Variants in SIDT1 observed in about 807,000 individuals in gnomAD.
SIDT1 encodes the protein SID1 transmembrane family member 1.
Under a neutral mutation model 107.5 loss-of-function variants are expected in SIDT1, and 101 were observed. The observed-to-expected ratio is 0.94, with a 90% CI of 0.80 to 1.11. SIDT1 has a LOEUF of 1.11. SIDT1 is among the 50% of genes least tolerant of loss of function. The pLI is 0.00. For missense variants in SIDT1, 1,076 were observed against 1,058.2 expected, an observed-to-expected ratio of 1.02 and a Z score of -0.23; for synonymous variants, 395 against 398.2, an observed-to-expected ratio of 0.99 and a Z score of 0.10.
intron 9 of SIDT1, among the ~76,000 whole-genome samples, chr3:113,591,682 G>A (rs949688799): frequency 4.6e-5 from 7 of 152,222 alleles, no homozygotes; most frequent in African/African-American, 9.6e-5. Context: ...GCGACAGAGC[G>A]AGACTCTGGG....
intron 4 of SIDT1, among the ~76,000 whole-genome samples, chr3:113,578,256 G>A (rs930799810): frequency 6.6e-6 from 1 of 151,722 alleles, no homozygotes; most frequent in Non-Finnish European, 1.5e-5. Context: ...ACGAGGTCAG[G>A]AGATCGAGAC....
At chr3:113,631,650 T>A (rs551578833), downstream of SIDT1, among the ~76,000 whole-genome samples, 8 of 152,288 alleles carry the variant, frequency 5.3e-5, no homozygotes, top group Admixed American at 3.9e-4. Context: ...ATTCGAGGAA[T>A]CTGGGGAAGA....
intron 3 of SIDT1, among the ~76,000 whole-genome samples, chr3:113,573,206 T>C (rs145556625): frequency 1.1e-4 from 17 of 152,280 alleles, no homozygotes; most frequent in Non-Finnish European, 2.4e-4. Flanking sequence ...TAGGTCAGGA[T>C]CAGGGAAGTG....
chr3:113,605,000 C>G, intron 14 of SIDT1, 24 bp downstream of exon 14: 1 of 1,613,036 alleles, frequency 6.2e-7, no homozygotes, highest in East Asian at 2.2e-5. Flanking sequence ...CAGCCCCAGC[C>G]CCAGAGTCCC....
chr3:113,566,656 C>A, intron 2 of SIDT1, 115 bp downstream of exon 2: 1 of 1,190,550 alleles, frequency 8.4e-7, no homozygotes, highest in Non-Finnish European at 1.2e-6. Flanking sequence ...AATGTCAAGA[C>A]ATTCTGCATA....
chr3:113,572,736 A>G (rs1942569676), intron 3 of SIDT1, among the ~76,000 whole-genome samples: 1 of 152,214 alleles, frequency 6.6e-6, no homozygotes, highest in African/African-American at 2.4e-5. Context: ...TTCAGCAAAT[A>G]TATGTGGCAG....
chr3:113,590,588 A>G (rs1482255903), intron 9 of SIDT1, among the ~76,000 whole-genome samples: 1 of 152,208 alleles, frequency 6.6e-6, no homozygotes, highest in East Asian at 1.9e-4. Context: ...TATTTTCATC[A>G]TTCCAAAAAG....
intron 23 of SIDT1, 42 bp downstream of exon 23, chr3:113,623,775 C>A: frequency 2.1e-6 from 3 of 1,410,710 alleles, no homozygotes; most frequent in Non-Finnish European, 3.0e-6. Context: ...CCTCTCTCTC[C>A]AACTTGCCAT....
chr3:113,601,459 T>A lies in SIDT1; in HGVS notation c.1046-129T>A, dbSNP rs986372390. On this transcript the variant is annotated intron_variant, in intron 10 of 24. Transcript: ENST00000264852. ...GCAGATGGGTCATAGTTTTGGTGAC[T>A]CCTGTATTAGTGTAAAAAGAAAATC... 1.3e-5 allele frequency: 8 copies of A among 638,810 alleles called. 1 individual carries two copies. The highest frequency in any genetic ancestry group is 1.9e-5 in the Non-Finnish European group (7 of 362,634). 39.6% of individuals were successfully genotyped at this position (638,810 alleles called of 1,614,324 possible). A position where few individuals can be genotyped will look rare whatever the true frequency, so the allele number is the denominator to read the frequency against.
At position 113,603,024 on chromosome 3, in the gene SIDT1, T is replaced by C; in HGVS notation, c.1137T>C (p.Pro379=). 1 of 1,614,066 alleles carries C rather than the reference T, an allele frequency of 6.2e-7. No homozygotes were observed. Among genetic ancestry groups the C allele is most frequent in the Non-Finnish European group, 8.5e-7 (1 of 1,179,978 alleles). Residue 379 remains proline (P), a synonymous_variant, in exon 12 of 25, where the codon CCT becomes CCC. Transcript: ENST00000264852. ...TTTCAGATGAGTCAAGCTCCAGTCC[T>C]GGAAGGCAGATGTCCTCCTCCGATG... ...YGTIDESSSS[P]GRQMSSSDGG... is the part of the protein sequence containing the mutation.
chr3:113,627,802 C>T lies in SIDT1; in HGVS notation c.*94C>T, dbSNP rs1946954221. 8.8e-7 allele frequency: 1 copy of T among 1,141,806 alleles called. No homozygotes were observed. The highest frequency in any genetic ancestry group is 2.4e-5 in the East Asian group (1 of 42,540). 70.7% of individuals were successfully genotyped at this position (1,141,806 alleles called of 1,614,324 possible). On this transcript the variant is annotated 3_prime_UTR_variant, in exon 25 of 25. Transcript: ENST00000264852. ...ACAGCAAAGTAACCACTGCCAGATG[C>T]TCCACTCACCCTCTGTAGAGCCAAC... is the stretch of plus-strand genomic sequence containing the variant.
intron 23 of SIDT1, among the ~76,000 whole-genome samples, chr3:113,625,407 G>C (rs913007605): frequency 2.6e-5 from 4 of 152,126 alleles, no homozygotes; most frequent in African/African-American, 7.2e-5. Context: ...CCATGGTCCT[G>C]GGATTACAGG....
intron 9 of SIDT1, 53 bp from the exon 10 acceptor site, chr3:113,592,951 TA>T: frequency 7.3e-7 from 1 of 1,373,580 alleles, no homozygotes; most frequent in Non-Finnish European, 1.0e-6. Context: ...GGAACAAATG[TA>T]AAATGCTGAG....
chr3:113,593,570 C>A (rs1385881993), intron 10 of SIDT1, among the ~76,000 whole-genome samples: 1 of 152,154 alleles, frequency 6.6e-6, no homozygotes, highest in African/African-American at 2.4e-5. Flanking sequence ...AGACGTGGAG[C>A]TCACACTAAA....
chr3:113,614,638 A>G (rs567373675), intron 19 of SIDT1, among the ~76,000 whole-genome samples: 6 of 152,212 alleles, frequency 3.9e-5, no homozygotes, highest in Non-Finnish European at 8.8e-5. Flanking sequence ...ACAAGCAAAT[A>G]AATGTGGACA....
At position 113,608,484 on chromosome 3, in the gene SIDT1, G is replaced by C; in HGVS notation, c.1668G>C (p.Gly556=). The part of the protein sequence containing the change: ...YAMGIALMME[G]VLSACYHVCP... ...TGGGCATTGCATTGATGATGGAAGG[G>C]GTGCTCAGTGCTTGCTACCATGTCT... Residue 556 remains glycine (G), a synonymous_variant, in exon 17 of 25, where the codon GGG becomes GGC. Transcript: ENST00000264852. 6.2e-7 allele frequency: 1 copy of C among 1,614,040 alleles called. No individual in the cohort carries two copies. The highest frequency in any genetic ancestry group is 8.5e-7 in the Non-Finnish European group (1 of 1,179,982).
downstream of SIDT1, among the ~76,000 whole-genome samples, chr3:113,633,812 A>G (rs1947108080): frequency 6.6e-6 from 1 of 152,200 alleles, no homozygotes; most frequent in African/African-American, 2.4e-5. Flanking sequence ...TTGGTGTGAT[A>G]GGTTTGATCT....
intron 4 of SIDT1, among the ~76,000 whole-genome samples, chr3:113,579,300 G>T (rs1034428703): frequency 1.3e-5 from 2 of 152,118 alleles, no homozygotes; most frequent in African/African-American, 4.8e-5. Context: ...ACTTTCAGTG[G>T]GTGTTTACTG....
chr3:113,593,346 C>A (rs116498005), intron 10 of SIDT1, among the ~76,000 whole-genome samples: 1 of 152,116 alleles, frequency 6.6e-6, no homozygotes, highest in Non-Finnish European at 1.5e-5. Flanking sequence ...ACTCCACCTC[C>A]GCTCAGATCA....
Sources: gnomAD v4.1 joint callset for allele counts (sites outside exome capture counted in the v4.1 genomes callset) on GRCh38, gnomAD v4.1.1 for gene constraint, MANE v1.5 for transcripts, NCBI Gene and HGNC (gene_info 2026-07-23, HGNC 2026-07-21) for gene names.